The following RBFOX1 variants were observed in gnomAD, a reference collection of about 807,000 sequenced individuals.
RBFOX1 encodes RNA binding fox-1 homolog 1, also known as RNA binding protein fox-1 homolog 1.
A neutral mutation model predicts 57.7 loss-of-function variants in RBFOX1; 8 were observed. That is an observed-to-expected ratio of 0.14 (90% confidence interval 0.08 to 0.25). The LOEUF (loss-of-function observed/expected upper bound fraction) is 0.25, where lower values mean the gene tolerates loss of function less well. RBFOX1 is among the 10% of genes least tolerant of loss of function. RBFOX1 has a pLI of 1.00. For synonymous variants in RBFOX1, 326 were observed against 222.4 expected, an observed-to-expected ratio of 1.47 and a Z score of -4.15; for missense variants, 611 against 548.5, an observed-to-expected ratio of 1.11 and a Z score of -1.14.
intron 1 of RBFOX1, among the ~76,000 whole-genome samples, chr16:5,411,239 A>G (rs932001134): frequency 2.0e-5 from 3 of 152,240 alleles, no homozygotes; most frequent in East Asian, 1.9e-4. Flanking sequence ...GGGACTTTGC[A>G]TGTATGATTA....
At chr16:6,316,082 T>G (rs1431150228) in intron 1 of RBFOX1, among the ~76,000 whole-genome samples, 2 of 152,138 alleles carry the variant, frequency 1.3e-5, no homozygotes, top group Admixed American at 1.3e-4. Flanking sequence ...TAAGAGTAAT[T>G]CAATTATCGA....
intron 1 of RBFOX1, among the ~76,000 whole-genome samples, chr16:5,392,697 C>G (rs139520954): frequency 3.3e-5 from 5 of 151,948 alleles, no homozygotes; most frequent in African/African-American, 7.3e-5. Context: ...CTAGATGTAT[C>G]GTACCTTTGG....
intron 1 of RBFOX1, among the ~76,000 whole-genome samples, chr16:5,352,817 C>A (rs934814325): frequency 1.1e-4 from 16 of 151,930 alleles, no homozygotes; most frequent in African/African-American, 3.9e-4. Flanking sequence ...GTGGCATGCA[C>A]CTGTAGTCCC....
At chr16:5,632,351 C>G (rs2048538342) in intron 3 of RBFOX1, 1 of 152,232 alleles carries the variant, frequency 6.6e-6, no homozygotes, top group Non-Finnish European at 1.5e-5. Context: ...CCTCTTGTAG[C>G]TGTTTCCTGG....
At chr16:6,850,012 G>A (rs1161878731) in intron 3 of RBFOX1, among the ~76,000 whole-genome samples, 3 of 152,208 alleles carry the variant, frequency 2.0e-5, no homozygotes, top group African/African-American at 4.8e-5. Flanking sequence ...AGTGACAAGT[G>A]ACATCTTTTT....
intron 4 of RBFOX1, among the ~76,000 whole-genome samples, chr16:7,223,141 G>A (rs2092851717): frequency 1.3e-5 from 2 of 152,238 alleles, no homozygotes; most frequent in Non-Finnish European, 1.5e-5. Context: ...TACAAGGGTA[G>A]AAGGGCTGAA....
intron 4 of RBFOX1, among the ~76,000 whole-genome samples, chr16:7,516,950 G>A (rs951977184): frequency 2.0e-5 from 3 of 152,030 alleles, no homozygotes; most frequent in Non-Finnish European, 4.4e-5. Context: ...GAGAAATTCT[G>A]ATATTTTTGC....
intron 1 of RBFOX1, among the ~76,000 whole-genome samples, chr16:5,398,288 T>C (rs2066618586): frequency 6.6e-6 from 1 of 151,838 alleles, no homozygotes; most frequent in African/African-American, 2.4e-5. Context: ...TGTGTGTGCA[T>C]GTGTGCTTAT....
chr16:6,798,207 T>A (rs1254170865), intron 3 of RBFOX1, among the ~76,000 whole-genome samples: 3 of 152,142 alleles, frequency 2.0e-5, no homozygotes, highest in African/African-American at 7.2e-5. Flanking sequence ...TAAGAGAAAC[T>A]GGAGGTGCCT....
intron 4 of RBFOX1, among the ~76,000 whole-genome samples, chr16:7,207,661 A>T (rs1447457094): frequency 6.6e-6 from 1 of 152,222 alleles, no homozygotes; most frequent in South Asian, 2.1e-4. Flanking sequence ...GATGGAGCGG[A>T]AGAAATGTTT....
chr16:5,251,445 CG>C (rs1567236085), intron 1 of RBFOX1, among the ~76,000 whole-genome samples: 1 of 152,114 alleles, frequency 6.6e-6, no homozygotes, highest in African/African-American at 2.4e-5. Flanking sequence ...GTGGCTTTAC[CG>C]GGGGCATTGT....
chr16:6,293,390 TC>T (rs1266858168), intron 1 of RBFOX1, among the ~76,000 whole-genome samples: 4 of 152,206 alleles, frequency 2.6e-5, no homozygotes, highest in Admixed American at 6.5e-5. Flanking sequence ...GCTCGCTTTT[TC>T]CCTCAAATAT....
chr16:6,907,331 C>G (rs1033567478), intron 3 of RBFOX1, among the ~76,000 whole-genome samples: 6 of 152,156 alleles, frequency 3.9e-5, no homozygotes, highest in Non-Finnish European at 8.8e-5. Flanking sequence ...CAGAGCTTCA[C>G]TCAGAGAAAC....
chr16:5,586,100 C>T lies in RBFOX1; in HGVS notation c.259-12802C>T, dbSNP rs76567604. 8.3e-3 allele frequency among the ~76,000 whole-genome samples: 1,262 copies of T among 152,140 alleles called. 23 individuals are homozygous for T. Among genetic ancestry groups the T allele is most frequent in the African/African-American group, 0.029 (1,224 of 41,496 alleles). ...GGCCATGTAGAAACAGAGGCAGAGA[C>T]GGGACTGATGCTTCTACAAGCCAAG... is the stretch of plus-strand genomic sequence containing the variant. On this transcript the variant is annotated intron_variant, in intron 2 of 2. Transcript: ENST00000585867.
Position 5,640,833 on chromosome 16 carries a change from G to GCA in RBFOX1, c.318+41894_318+41895dup, listed in dbSNP as rs142919715. On this transcript the variant is annotated intron_variant, in intron 3 of 19. Coordinates refer to the RBFOX1 transcript ENST00000641259. ...ATGCACACCATGGATACACATACATGCACACACACACACACACACACACCA... is the reference window on the plus strand; with the variant it reads ...ATGCACACCATGGATACACATACATGCACACACACACACACACACACACACCA... 2.0e-3 allele frequency among the ~76,000 whole-genome samples: 285 copies of GCA among 142,750 alleles called. 2 individuals are homozygous for GCA. Among genetic ancestry groups the GCA allele is most frequent in the African/African-American group, 5.3e-3 (200 of 37,792 alleles). 93.6% of individuals were successfully genotyped at this position (142,750 alleles called of 152,430 possible).
chr16:5,616,038 C>T (rs910152451), intron 3 of RBFOX1: 1 of 152,542 alleles, frequency 6.6e-6, no homozygotes, highest in Non-Finnish European at 1.5e-5. Context: ...GAACCCAGAG[C>T]TCTTCTCCAC....
At chr16:7,245,451 T>A (rs186047364) in intron 4 of RBFOX1, among the ~76,000 whole-genome samples, 2 of 82,800 alleles carry the variant, frequency 2.4e-5, no homozygotes, top group East Asian at 4.5e-4. Flanking sequence ...TGTTTGAAAC[T>A]CAAGGTTAAA....
intron 4 of RBFOX1, among the ~76,000 whole-genome samples, chr16:7,204,141 A>T (rs12923995): frequency 6.6e-6 from 1 of 152,226 alleles, no homozygotes; most frequent in East Asian, 1.9e-4. Flanking sequence ...GTATCTGCAG[A>T]TACCTGCCAG....
At chr16:7,160,810 TCTCCCTC>T (rs201530809) in intron 4 of RBFOX1, among the ~76,000 whole-genome samples, 2,154 of 142,598 alleles carry the variant, frequency 0.015, 21 homozygotes, top group Middle Eastern at 0.062. Flanking sequence ...CCCCCTTTCT[TCTCCCTC>T]CTCCCTCCTC....
Sources: allele counts gnomAD v4.1 joint callset (sites outside exome capture counted in the v4.1 genomes callset), GRCh38; gene constraint gnomAD v4.1.1; transcripts MANE v1.5; gene names NCBI Gene and HGNC (gene_info 2026-07-23, HGNC 2026-07-21).